PRPSAP2: variants seen among roughly 807,000 people sequenced by gnomAD.
PRPSAP2 encodes phosphoribosyl pyrophosphate synthetase associated protein 2.
PRPSAP2 carries 24 observed loss-of-function variants against 40.6 expected under a neutral mutation model. That is an observed-to-expected ratio of 0.59 (90% confidence interval 0.43 to 0.83). The LOEUF (loss-of-function observed/expected upper bound fraction) is 0.83. PRPSAP2 is among the 40% of genes least tolerant of loss of function. The probability of loss-of-function intolerance (pLI) is 0.00; values close to 1 mark genes in which losing one functional copy is unlikely to be tolerated. For missense variants in PRPSAP2, 292 were observed against 465.6 expected (o/e 0.63, Z 3.43); for synonymous variants, 149 against 164.7 (o/e 0.90, Z 0.73).
At chr17:18,908,560 C>G (rs2040747416) in intron 8 of PRPSAP2, 5 of 740,380 alleles carry the variant, frequency 6.8e-6, no homozygotes, top group South Asian at 2.9e-5. Context: ...CCCTGAAGAT[C>G]TGTGCTAACC....
Position 18,928,692 on chromosome 17 carries a change from C to T in PRPSAP2, c.805-119C>T, listed in dbSNP as rs753529551. On this transcript the variant is annotated intron_variant, in intron 10 of 11. Transcript: ENST00000268835. The stretch of plus-strand genomic sequence containing the variant: ...ATGGGGCCATGCCGTCTGCACAAGG[C>T]CAAGTGGAAGAGCAGATTTTTCACG... 5.1e-6 allele frequency: 7 copies of T among 1,375,336 alleles called. No individual in the cohort carries two copies. The East Asian group carries it at 1.2e-4, about 24-fold the overall frequency. 85.2% of individuals were successfully genotyped at this position (1,375,336 alleles called of 1,614,324 possible).
chr17:18,930,021 T>C (rs2042177293), intron 11 of PRPSAP2, among the ~76,000 whole-genome samples: 1 of 152,140 alleles, frequency 6.6e-6, no homozygotes, highest in South Asian at 2.1e-4. Flanking sequence ...CTCCAGTACT[T>C]GTTATTATCT....
chr17:18,906,222 GTTTGTTTA>G (rs761744447), intron 8 of PRPSAP2, among the ~76,000 whole-genome samples: 81 of 150,066 alleles, frequency 5.4e-4, no homozygotes, highest in Middle Eastern at 3.4e-3. Flanking sequence ...TTGTTTGTTT[GTTTGTTTA>G]TTTGAGACAG....
chr17:18,865,746 A>G (rs1009344984), intron 2 of PRPSAP2, 56 bp from the exon 3 acceptor site: 2 of 1,155,342 alleles, frequency 1.7e-6, no homozygotes, highest in Admixed American at 3.5e-5. Context: ...AAAAAAATTC[A>G]TTCAGGTATA....
chr17:18,894,734 C>T (rs148583635), intron 8 of PRPSAP2, among the ~76,000 whole-genome samples: 2 of 152,172 alleles, frequency 1.3e-5, no homozygotes, highest in Non-Finnish European at 2.9e-5. Flanking sequence ...CCACCCACCT[C>T]AGTCTCCCAA....
chr17:18,861,790 G>A (rs1258719080), intron 1 of PRPSAP2, among the ~76,000 whole-genome samples: 1 of 152,226 alleles, frequency 6.6e-6, no homozygotes, highest in African/African-American at 2.4e-5. Flanking sequence ...AGGCCATCCT[G>A]TGGAAAAGGA....
chr17:18,909,938 A>C (rs905357168), intron 8 of PRPSAP2, among the ~76,000 whole-genome samples: 2 of 152,156 alleles, frequency 1.3e-5, no homozygotes, highest in Non-Finnish European at 2.9e-5. Flanking sequence ...CCATACAGAG[A>C]TCTGTGTATG....
chr17:18,902,712 A>T (rs4924943), intron 8 of PRPSAP2, among the ~76,000 whole-genome samples: 81,731 of 151,462 alleles, frequency 0.54, 22,374 homozygotes, highest in Middle Eastern at 0.6. Context: ...TCTACTAAAA[A>T]TACAAAATTA....
At chr17:18,873,656 G>A (rs2038066282) in intron 5 of PRPSAP2, among the ~76,000 whole-genome samples, 1 of 152,148 alleles carries the variant, frequency 6.6e-6, no homozygotes, top group Non-Finnish European at 1.5e-5. Context: ...CTTAGTTGGG[G>A]TTCTTTAAGC....
chr17:18,926,513 C>T (rs1446140130), intron 10 of PRPSAP2, among the ~76,000 whole-genome samples: 1 of 152,060 alleles, frequency 6.6e-6, no homozygotes, highest in Non-Finnish European at 1.5e-5. Context: ...GTGATCTGCC[C>T]GCCTTGGCCT....
At chr17:18,876,811 G>C (rs1427095522) in intron 5 of PRPSAP2, among the ~76,000 whole-genome samples, 1 of 152,288 alleles carries the variant, frequency 6.6e-6, no homozygotes, top group African/African-American at 2.4e-5. Flanking sequence ...ACTAGGTGGG[G>C]AGAAAAGCAT....
intron 8 of PRPSAP2, among the ~76,000 whole-genome samples, chr17:18,892,746 T>TTTATTTA (rs1481731904): frequency 1.3e-4 from 5 of 38,330 alleles, no homozygotes; most frequent in African/African-American, 1.9e-4. Context: ...TATTTATTTA[T>TTTATTTA]TTTTTTGAGA....
chr17:18,872,728 AG>A, intron 5 of PRPSAP2, 79 bp downstream of exon 5: 1 of 1,160,380 alleles, frequency 8.6e-7, no homozygotes, highest in Non-Finnish European at 1.3e-6. Context: ...ATGGCTAGCC[AG>A]GAAGAGTTAT....
intron 9 of PRPSAP2, among the ~76,000 whole-genome samples, chr17:18,922,876 T>C (rs1326256798): frequency 1.3e-5 from 2 of 151,050 alleles, no homozygotes; most frequent in Admixed American, 6.6e-5. Flanking sequence ...GGTTTCGCCA[T>C]GTTGCTCAGG....
chr17:18,870,625 A>G (rs1222565808), intron 4 of PRPSAP2, among the ~76,000 whole-genome samples: 2 of 152,030 alleles, frequency 1.3e-5, no homozygotes, highest in African/African-American at 4.8e-5. Flanking sequence ...CCTGGGCAAC[A>G]TGGCAAAACC....
At chr17:18,908,180 G>A in intron 8 of PRPSAP2, 1 of 621,118 alleles carries the variant, frequency 1.6e-6, no homozygotes, top group Non-Finnish European at 2.9e-6. Flanking sequence ...AAAGCCAGAT[G>A]CGGTGGGAAG....
In PRPSAP2 at chr17:18,916,115, G is replaced by A. The variant is rs539156352; in HGVS notation, c.733+4864G>A. On this transcript the variant is annotated intron_variant, in intron 9 of 11. Coordinates refer to ENST00000268835, the MANE Select transcript of PRPSAP2 (RefSeq NM_002767.4). ...TTACAGGCGTGAGCCACTGCGCCTG[G>A]CCCAAATTTTTAACATAAGTTTTAG... Among the ~76,000 whole-genome samples, 10 of 152,130 alleles carry A rather than the reference G, an allele frequency of 6.6e-5. No individual in the cohort carries two copies. In the South Asian group the frequency reaches 8.3e-4, roughly 13 times the overall value.
At chr17:18,901,833 G>A (rs143484222) in intron 8 of PRPSAP2, among the ~76,000 whole-genome samples, 174 of 152,242 alleles carry the variant, frequency 1.1e-3, no homozygotes, top group African/African-American at 4.1e-3. Flanking sequence ...CCAGGCTGGA[G>A]TGCAGTGGTA....
intron 1 of PRPSAP2, among the ~76,000 whole-genome samples, chr17:18,858,905 A>T (rs1392300217): frequency 6.6e-6 from 1 of 152,128 alleles, no homozygotes; most frequent in Non-Finnish European, 1.5e-5. Context: ...AAATAGAAAT[A>T]ATTCACCCAC....
Sources: gnomAD v4.1 joint callset for allele counts (sites outside exome capture counted in the v4.1 genomes callset) on GRCh38, gnomAD v4.1.1 for gene constraint, MANE v1.5 for transcripts, NCBI Gene and HGNC (gene_info 2026-07-23, HGNC 2026-07-21) for gene names.